Variants in PTPRF observed in about 807,000 individuals in gnomAD.
PTPRF encodes the protein protein tyrosine phosphatase receptor type F, also known as receptor-type tyrosine-protein phosphatase F.
A neutral mutation model predicts 201.8 loss-of-function variants in PTPRF; 59 were observed. That is an observed-to-expected ratio of 0.29 (90% confidence interval 0.24 to 0.36). The LOEUF is 0.36. Among genes scored for constraint, PTPRF ranks in the 10% least tolerant of loss-of-function variants. The probability of loss-of-function intolerance (pLI) is 1.00; values close to 1 mark genes in which losing one functional copy is unlikely to be tolerated. For synonymous variants in PTPRF, 1,088 were observed against 1,089.7 expected, an observed-to-expected ratio of 1.00 and a Z score of 0.03; for missense variants, 2,132 against 2,690.5, an observed-to-expected ratio of 0.79 and a Z score of 4.59.
At chr1:43,547,850 C>T (rs773962045) in intron 3 of PTPRF, among the ~76,000 whole-genome samples, 11 of 152,230 alleles carry the variant, frequency 7.2e-5, no homozygotes, top group Admixed American at 1.3e-4. Flanking sequence ...GCAGCTTCCC[C>T]AGCCAGGCTT....
At chr1:43,549,937 G>A (rs189092724) in intron 3 of PTPRF, among the ~76,000 whole-genome samples, 297 of 152,288 alleles carry the variant, frequency 2.0e-3, no homozygotes, top group African/African-American at 6.6e-3. Context: ...ACGGAGAGAG[G>A]AACATCAGGC....
intron 5 of PTPRF, among the ~76,000 whole-genome samples, chr1:43,567,692 T>G (rs1646278742): frequency 6.6e-6 from 1 of 152,158 alleles, no homozygotes; most frequent in South Asian, 2.1e-4. Flanking sequence ...CGCCCCCCAG[T>G]CGCTCTCCCT....
At chr1:43,619,950 A>G (rs1053643290) in intron 29 of PTPRF, 92 bp downstream of exon 29, 1 of 1,561,956 alleles carries the variant, frequency 6.4e-7, no homozygotes, top group African/African-American at 1.4e-5. Context: ...GGGCCAGCCT[A>G]GAAGACCAGA....
intron 19 of PTPRF, 81 bp from the exon 20 acceptor site, chr1:43,606,159 A>T (rs563741786): frequency 7.8e-5 from 113 of 1,452,906 alleles, no homozygotes; most frequent in Admixed American, 2.5e-4. Flanking sequence ...CGGCCCAGGG[A>T]GCTGACATCC....
At chr1:43,607,105 A>T in intron 21 of PTPRF, 137 bp downstream of exon 21, 5 of 1,223,328 alleles carry the variant, frequency 4.1e-6, no homozygotes, top group Non-Finnish European at 5.7e-6. Flanking sequence ...GAAGGCAGGA[A>T]GGGCAGGAGC....
intron 3 of PTPRF, among the ~76,000 whole-genome samples, chr1:43,549,154 A>G (rs2819335): frequency 0.7 from 106,122 of 152,140 alleles, 37,480 homozygotes; most frequent in South Asian, 0.83. Flanking sequence ...GCCAGGTGGC[A>G]GTGGGTAACT....
intron 11 of PTPRF, among the ~76,000 whole-genome samples, chr1:43,596,999 G>T (rs576325537): frequency 1.3e-5 from 2 of 152,132 alleles, no homozygotes; most frequent in African/African-American, 2.4e-5. Flanking sequence ...AAGACATTGT[G>T]TGTGTGTGAC....
chr1:43,609,614 C>A, intron 22 of PTPRF, 116 bp downstream of exon 22: 1 of 709,290 alleles, frequency 1.4e-6, no homozygotes, highest in Non-Finnish European at 2.4e-6. Context: ...CTTGTTCCTG[C>A]TCCTTTTCTT....
chr1:43,552,149 C>T (rs932903865), intron 3 of PTPRF, among the ~76,000 whole-genome samples: 2 of 152,150 alleles, frequency 1.3e-5, no homozygotes, highest in Non-Finnish European at 1.5e-5. Context: ...CTTCCCGCCT[C>T]ATCCTTTCCA....
intron 6 of PTPRF, among the ~76,000 whole-genome samples, chr1:43,577,605 A>G (rs72889047): frequency 0.039 from 5,863 of 152,266 alleles, 375 homozygotes; most frequent in African/African-American, 0.13. Context: ...CCGTGAGAGC[A>G]TGACTTGGAA....
chr1:43,544,872 A>C (rs1644564470), intron 2 of PTPRF, among the ~76,000 whole-genome samples, 159 bp from the exon 3 acceptor site: 1 of 151,844 alleles, frequency 6.6e-6, no homozygotes, highest in Non-Finnish European at 1.5e-5. Context: ...CTGGGGTCAG[A>C]AGGTCTAGGT....
Position 43,583,268 on chromosome 1 carries a change from C to T in PTPRF, c.679+4348C>T, listed in dbSNP as rs183667449. On this transcript the variant is annotated intron_variant, in intron 7 of 33. Transcript: ENST00000359947. ...GGACCAGGGATGGGTGGGCAGACCCCTGACCTGCATGTTCCTGCTGCTTGG... is the reference window on the plus strand; with the variant it reads ...GGACCAGGGATGGGTGGGCAGACCCTTGACCTGCATGTTCCTGCTGCTTGG... Among the ~76,000 whole-genome samples the T allele has an allele frequency of 6.7e-3, 1,016 of 152,306 alleles. 2 individuals are homozygous for T. Among genetic ancestry groups the T allele is most frequent in the Non-Finnish European group, 0.011 (721 of 68,032 alleles).
chr1:43,574,715 T>C (rs563411390), intron 6 of PTPRF, among the ~76,000 whole-genome samples: 1 of 152,346 alleles, frequency 6.6e-6, no homozygotes, highest in African/African-American at 2.4e-5. Context: ...GAGAGAATCA[T>C]TGTGCGGATT....
intron 26 of PTPRF, 94 bp downstream of exon 26, chr1:43,618,843 G>C (rs1658497729): frequency 1.3e-6 from 2 of 1,526,096 alleles, no homozygotes; most frequent in South Asian, 2.5e-5. Context: ...GCTGGAGCCT[G>C]GGTGTTGGAG....
At chr1:43,616,105 CG>C (rs1215137374) in intron 23 of PTPRF, among the ~76,000 whole-genome samples, 6 of 151,742 alleles carry the variant, frequency 4.0e-5, no homozygotes, top group African/African-American at 1.5e-4. Flanking sequence ...GGGTGTGCTG[CG>C]GGGTCTCACG....
intron 6 of PTPRF, among the ~76,000 whole-genome samples, chr1:43,570,551 A>G (rs866056061): frequency 8.5e-5 from 13 of 152,256 alleles, no homozygotes; most frequent in African/African-American, 3.1e-4. Flanking sequence ...AGTGCCGGCC[A>G]GAGCCCCTTC....
intron 5 of PTPRF, 34 bp from the exon 6 acceptor site, chr1:43,569,556 C>T: frequency 6.4e-7 from 1 of 1,552,136 alleles, no homozygotes. Flanking sequence ...CAGGCAGAGC[C>T]AGCCCTAATA....
intron 33 of PTPRF, 136 bp from the exon 34 acceptor site, chr1:43,621,799 C>T: frequency 1.3e-6 from 1 of 792,930 alleles, no homozygotes; most frequent in South Asian, 1.6e-5. Context: ...CCGCACACTG[C>T]CTGATGTAGC....
chr1:43,527,103 G>C (rs1643148532), upstream of PTPRF, among the ~76,000 whole-genome samples: 1 of 152,248 alleles, frequency 6.6e-6, no homozygotes, highest in Non-Finnish European at 1.5e-5. Context: ...ATGAGTTGCA[G>C]AGAGTGTCCA....
Sources: gnomAD v4.1 joint callset for allele counts (sites outside exome capture counted in the v4.1 genomes callset) on GRCh38, gnomAD v4.1.1 for gene constraint, MANE v1.5 for transcripts, NCBI Gene and HGNC (gene_info 2026-07-23, HGNC 2026-07-21) for gene names.